Variants in TPRG1 observed in about 807,000 individuals in gnomAD.
TPRG1 encodes the protein tumor protein p63 regulated 1, also known as tumor protein p63-regulated gene 1 protein.
In TPRG1, 29 loss-of-function variants were observed where a neutral mutation model predicts 29.3. The observed-to-expected ratio is 0.99, with a 90% CI of 0.74 to 1.35. The LOEUF (loss-of-function observed/expected upper bound fraction) is 1.35. TPRG1 is among the 40% of genes most tolerant of loss of function. The pLI is 0.00. For missense variants in TPRG1, 327 were observed against 335.0 expected, an observed-to-expected ratio of 0.98 and a Z score of 0.19; for synonymous variants, 130 against 116.8, an observed-to-expected ratio of 1.11 and a Z score of -0.73.
intron 1 of TPRG1, among the ~76,000 whole-genome samples, chr3:189,109,347 G>T (rs551924940): frequency 6.6e-6 from 1 of 152,210 alleles, no homozygotes; most frequent in Non-Finnish European, 1.5e-5. Context: ...TAAGAGTGAC[G>T]TGGAAACAAT....
At chr3:189,064,024 T>G (rs1387278245) in intron 4 of TPRG1, among the ~76,000 whole-genome samples, 2 of 152,158 alleles carry the variant, frequency 1.3e-5, no homozygotes, top group Non-Finnish European at 2.9e-5. Context: ...GAAAATACAC[T>G]TAATACACAT....
In TPRG1 at chr3:189,191,884, T is replaced by C. The variant is rs141862350; in HGVS notation, c.-9-15492T>C. On this transcript the variant is annotated intron_variant, in intron 1 of 5. Coordinates refer to ENST00000345063, the MANE Select transcript of TPRG1 (RefSeq NM_198485.4). Reference sequence around the variant, plus strand: ...GAAGACTCTGATATTCGTCACTTACTTCTCAGGATGGTTTCAGGCAGAAGC... The same window carrying C: ...GAAGACTCTGATATTCGTCACTTACCTCTCAGGATGGTTTCAGGCAGAAGC... 1.2e-4 allele frequency among the ~76,000 whole-genome samples: 18 copies of C among 152,342 alleles called. No homozygotes were observed. In the East Asian group the frequency reaches 3.3e-3, roughly 28 times the overall value.
chr3:189,050,762 G>A (rs1715265976), intron 4 of TPRG1, among the ~76,000 whole-genome samples: 1 of 152,200 alleles, frequency 6.6e-6, no homozygotes. Context: ...TAACAGGGAT[G>A]CAGGGATGGT....
At chr3:189,142,333 G>A (rs1316414988) in intron 3 of TPRG1, among the ~76,000 whole-genome samples, 2 of 152,078 alleles carry the variant, frequency 1.3e-5, no homozygotes, top group Non-Finnish European at 2.9e-5. Context: ...CCCCACAAAA[G>A]CACTGAAGAT....
intron 4 of TPRG1, among the ~76,000 whole-genome samples, chr3:189,264,093 A>T (rs2109051960): frequency 6.6e-6 from 1 of 152,302 alleles, no homozygotes; most frequent in African/African-American, 2.4e-5. Context: ...TTGAATTCTT[A>T]TCCCAATTCT....
chr3:189,265,906 G>T (rs140215567), intron 4 of TPRG1, among the ~76,000 whole-genome samples: 1 of 152,124 alleles, frequency 6.6e-6, no homozygotes, highest in Non-Finnish European at 1.5e-5. Flanking sequence ...CAAGAGATGC[G>T]CAGTTCATCA....
At chr3:189,259,660 G>A (rs1299075062) in intron 4 of TPRG1, among the ~76,000 whole-genome samples, 2 of 151,650 alleles carry the variant, frequency 1.3e-5, no homozygotes, top group African/African-American at 2.4e-5. Flanking sequence ...GGTAGAGACG[G>A]GGTTTCAGCA....
intron 4 of TPRG1, among the ~76,000 whole-genome samples, chr3:189,077,532 A>C (rs1192590471): frequency 1.3e-5 from 2 of 152,172 alleles, no homozygotes; most frequent in African/African-American, 4.8e-5. Context: ...GGGGTGATAA[A>C]GATATTCAAT....
At chr3:189,047,957 C>A (rs1715079888) in intron 4 of TPRG1, among the ~76,000 whole-genome samples, 1 of 152,198 alleles carries the variant, frequency 6.6e-6, no homozygotes, top group African/African-American at 2.4e-5. Context: ...TTGAAATTAA[C>A]TTATTCCAAA....
At chr3:189,068,280 C>G (rs1716583982) in intron 4 of TPRG1, among the ~76,000 whole-genome samples, 1 of 152,136 alleles carries the variant, frequency 6.6e-6, no homozygotes, top group South Asian at 2.1e-4. Context: ...AAAAATAAAA[C>G]TACCAGATGA....
chr3:189,299,778 A>G (rs2109257331), intron 4 of TPRG1, among the ~76,000 whole-genome samples: 1 of 152,322 alleles, frequency 6.6e-6, no homozygotes, highest in Admixed American at 6.5e-5. Flanking sequence ...TGATGATGTA[A>G]CATTAGTATA....
At chr3:189,236,196 G>C (rs993042680) in intron 3 of TPRG1, among the ~76,000 whole-genome samples, 2 of 152,192 alleles carry the variant, frequency 1.3e-5, no homozygotes, top group African/African-American at 4.8e-5. Context: ...TGCAGAGTTT[G>C]TGTCAGAGCA....
At chr3:189,240,928 A>T (rs1489905011) in intron 4 of TPRG1, among the ~76,000 whole-genome samples, 1 of 152,336 alleles carries the variant, frequency 6.6e-6, no homozygotes, top group African/African-American at 2.4e-5. Context: ...TTATATAATC[A>T]TCTATAGATC....
chr3:189,258,850 C>A (rs1043479144), intron 4 of TPRG1, among the ~76,000 whole-genome samples: 1 of 152,116 alleles, frequency 6.6e-6, no homozygotes, highest in African/African-American at 2.4e-5. Flanking sequence ...GGACGCCCCT[C>A]CCCCAACCAA....
At chr3:189,163,100 G>T (rs1165264250) in intron 5 of TPRG1, among the ~76,000 whole-genome samples, 1 of 151,978 alleles carries the variant, frequency 6.6e-6, no homozygotes, top group Non-Finnish European at 1.5e-5. Context: ...GGTGAAACCT[G>T]GTCTCTACTA....
At chr3:189,280,023 A>AT (rs1716838974) in intron 4 of TPRG1, among the ~76,000 whole-genome samples, 1 of 152,218 alleles carries the variant, frequency 6.6e-6, no homozygotes, top group African/African-American at 2.4e-5. Context: ...GCCACTTCCC[A>AT]TTATGGTATG....
chr3:189,264,298 T>C (rs1467750589), intron 4 of TPRG1, among the ~76,000 whole-genome samples: 1 of 152,204 alleles, frequency 6.6e-6, no homozygotes, highest in East Asian at 1.9e-4. Context: ...GAAGCCCTTG[T>C]CAGCAAGCAA....
chr3:189,104,771 C>T (rs1157452850), intron 1 of TPRG1, among the ~76,000 whole-genome samples: 1 of 151,878 alleles, frequency 6.6e-6, no homozygotes, highest in Non-Finnish European at 1.5e-5. Flanking sequence ...CTTGGATGTG[C>T]CTCCTTCCTT....
chr3:189,116,412 C>T (rs1045948638), intron 1 of TPRG1, among the ~76,000 whole-genome samples: 2 of 152,078 alleles, frequency 1.3e-5, no homozygotes, highest in Admixed American at 6.5e-5. Flanking sequence ...CTCCTGACCT[C>T]GTGATCCACC....
Sources: allele counts gnomAD v4.1 joint callset (sites outside exome capture counted in the v4.1 genomes callset), GRCh38; gene constraint gnomAD v4.1.1; transcripts MANE v1.5; gene names NCBI Gene and HGNC (gene_info 2026-07-23, HGNC 2026-07-21).